Variants in COL22A1 observed in about 807,000 individuals in gnomAD.
The protein encoded by COL22A1 is collagen type XXII alpha 1 chain.
In COL22A1, 221 loss-of-function variants were observed where a neutral mutation model predicts 248.9. The observed-to-expected ratio is 0.89, with a 90% CI of 0.80 to 0.99. The LOEUF (loss-of-function observed/expected upper bound fraction) is 0.99. Ranked by LOEUF, COL22A1 falls within the 50% of genes least tolerant of loss-of-function variation. The probability of loss-of-function intolerance (pLI) is 0.00; values close to 1 mark genes in which losing one functional copy is unlikely to be tolerated. For missense variants in COL22A1, 2,240 were observed against 2,179.0 expected, an observed-to-expected ratio of 1.03 and a Z score of -0.56; for synonymous variants, 891 against 793.4, an observed-to-expected ratio of 1.12 and a Z score of -2.07.
chr8:138,717,304 C>T (rs576244020), intron 27 of COL22A1, among the ~76,000 whole-genome samples: 101 of 152,088 alleles, frequency 6.6e-4, no homozygotes, highest in African/African-American at 2.0e-3. Context: ...CCTGCCACCA[C>T]GCCCAGCTAA....
intron 3 of COL22A1, among the ~76,000 whole-genome samples, chr8:138,847,130 G>T (rs1024222074): frequency 6.6e-6 from 1 of 152,188 alleles, no homozygotes; most frequent in African/African-American, 2.4e-5. Context: ...GGGCATGTCT[G>T]TCTCCCCAGG....
At chr8:138,602,080 T>C in intron 60 of COL22A1, 35 bp downstream of exon 60, 1 of 1,613,676 alleles carries the variant, frequency 6.2e-7, no homozygotes, top group Non-Finnish European at 8.5e-7. Flanking sequence ...AAGGTCGCGT[T>C]CGGCGTGTTC....
At position 138,626,322 on chromosome 8, in the gene COL22A1, A is replaced by C. The variant is rs1820235637; in HGVS notation, c.3664-79T>G. The C allele has an allele frequency of 6.2e-6, 7 of 1,136,990 alleles. No individual in the cohort carries two copies. The South Asian group carries it at 7.7e-5, about 12-fold the overall frequency. 70.4% of individuals were successfully genotyped at this position (1,136,990 alleles called of 1,614,324 possible). ...AGTAAATGACTTCACAAGGAACTGCATTCATGGGTTGGGGGAGTGAGTGTT... is the reference window on the plus strand; with the variant it reads ...AGTAAATGACTTCACAAGGAACTGCCTTCATGGGTTGGGGGAGTGAGTGTT... On this transcript the variant is annotated intron_variant, in intron 50 of 64. Transcript: ENST00000303045.
intron 23 of COL22A1, among the ~76,000 whole-genome samples, chr8:138,730,145 C>G (rs567130582): frequency 1.3e-5 from 2 of 152,240 alleles, no homozygotes; most frequent in South Asian, 4.1e-4. Context: ...TACCACAAGG[C>G]CCCTGGACAG....
chr8:138,750,838 C>T (rs1173113778), intron 22 of COL22A1, among the ~76,000 whole-genome samples: 1 of 152,220 alleles, frequency 6.6e-6, no homozygotes, highest in Non-Finnish European at 1.5e-5. Context: ...AGAGTTGAGT[C>T]TGGCTTTCAG....
chr8:138,697,545 T>C (rs1045749378), intron 32 of COL22A1, among the ~76,000 whole-genome samples: 1 of 152,140 alleles, frequency 6.6e-6, no homozygotes, highest in African/African-American at 2.4e-5. Flanking sequence ...GCCTGCTCTG[T>C]CCTCTGCAAA....
At chr8:138,841,626 G>A (rs1005485469) in intron 4 of COL22A1, among the ~76,000 whole-genome samples, 13 of 152,158 alleles carry the variant, frequency 8.5e-5, no homozygotes, top group Admixed American at 7.9e-4. Context: ...AGAGTAGGAA[G>A]CATGGACTAG....
chr8:138,689,027 TG>T (rs1826599359), intron 36 of COL22A1, 57 bp from the exon 37 acceptor site: 1 of 1,427,984 alleles, frequency 7.0e-7, no homozygotes, highest in Admixed American at 1.7e-5. Context: ...TCACTCTTGG[TG>T]GCTCGTGACC....
At chr8:138,710,603 C>A (rs36111388) in intron 30 of COL22A1, among the ~76,000 whole-genome samples, 49,790 of 97,398 alleles carry the variant, frequency 0.51, 8,644 homozygotes, top group South Asian at 0.54. Context: ...ATCTATCTAT[C>A]TATCTATATA....
chr8:138,724,962 G>C (rs1157629819), intron 24 of COL22A1, among the ~76,000 whole-genome samples: 1 of 152,166 alleles, frequency 6.6e-6, no homozygotes, highest in Non-Finnish European at 1.5e-5. Flanking sequence ...TCCGTAGGTG[G>C]GTGTGGATTC....
chr8:138,814,904 T>A (rs928695336), intron 7 of COL22A1, among the ~76,000 whole-genome samples: 6 of 152,158 alleles, frequency 3.9e-5, no homozygotes, highest in African/African-American at 1.4e-4. Context: ...TTGCATGATA[T>A]GGTTTGGCTG....
rs1823229623 is a variant in COL22A1 at position 138,656,048 on chromosome 8, G to A, written c.3286-104C>T. 31 of 925,908 alleles carry A rather than the reference G, an allele frequency of 3.3e-5. No individual in the cohort carries two copies. In the South Asian group the frequency reaches 4.1e-4, roughly 12 times the overall value. The allele number at this position is 925,908 out of a possible 1,614,324, so 57.4% of individuals were successfully genotyped here. A position where few individuals can be genotyped will look rare whatever the true frequency, so the allele number is the denominator to read the frequency against. ...GACTTTAAAGTGTGACACAATACGT[G>A]ACACACTGCGCCGTGCGTGGGATAC... On this transcript the variant is annotated intron_variant, in intron 44 of 64. Transcript: ENST00000303045.
At chr8:138,796,764 C>G in intron 12 of COL22A1, 55 bp downstream of exon 12, 11 of 1,227,062 alleles carry the variant, frequency 9.0e-6, no homozygotes, top group Non-Finnish European at 1.3e-5. Flanking sequence ...CTCCCCCAAA[C>G]CTAAGTCCTC....
chr8:138,641,675 T>A (rs1029499870), intron 47 of COL22A1, among the ~76,000 whole-genome samples: 1 of 152,188 alleles, frequency 6.6e-6, no homozygotes, highest in African/African-American at 2.4e-5. Flanking sequence ...GCTGCAAATC[T>A]GTAAGATAAA....
intron 5 of COL22A1, chr8:138,827,138 T>TG: frequency 7.4e-6 from 2 of 271,400 alleles, no homozygotes; most frequent in Non-Finnish European, 1.5e-5. Context: ...CGCTGCTCCC[T>TG]GCTGCATCCT....
intron 23 of COL22A1, among the ~76,000 whole-genome samples, chr8:138,732,846 TC>T (rs1342818260): frequency 6.6e-6 from 1 of 152,222 alleles, no homozygotes; most frequent in East Asian, 1.9e-4. Context: ...AACCTAATTA[TC>T]ATTAGTAAAG....
At chr8:138,776,489 T>TC (rs1357054873) in intron 15 of COL22A1, among the ~76,000 whole-genome samples, 1 of 152,222 alleles carries the variant, frequency 6.6e-6, no homozygotes, top group East Asian at 1.9e-4. Flanking sequence ...TCCCCATTGC[T>TC]CATCCTGCCT....
intron 1 of COL22A1, among the ~76,000 whole-genome samples, chr8:138,905,964 G>A (rs978316079): frequency 2.0e-5 from 3 of 152,112 alleles, no homozygotes; most frequent in African/African-American, 7.2e-5. Flanking sequence ...CCTGGTTTAT[G>A]TGCCTTCTCC....
Position 138,591,454 on chromosome 8 carries a change from G to T in COL22A1, c.4663C>A (p.Arg1555=). The T allele has an allele frequency of 6.3e-7, 1 of 1,580,386 alleles. No homozygotes were observed. The highest frequency in any genetic ancestry group is 8.6e-7 in the Non-Finnish European group (1 of 1,163,076). Residue 1555 remains arginine, a synonymous_variant, in exon 64 of 65, where the codon CGA becomes AGA. Transcript: ENST00000303045. ...ATTCCAGGGGGTCCCATCTCGCCTC[G>T]GAGGCCAACTCCAGGTGCACCTGGG... The part of the protein sequence containing the change: ...GDPGAPGVGL[R]GEMGPPGIPG...
Sources: allele counts gnomAD v4.1 joint callset (sites outside exome capture counted in the v4.1 genomes callset), GRCh38; gene constraint gnomAD v4.1.1; transcripts MANE v1.5; gene names NCBI Gene and HGNC (gene_info 2026-07-23, HGNC 2026-07-21).